Variants in FMO5 observed in about 807,000 individuals in gnomAD.
FMO5 encodes the protein flavin containing dimethylaniline monoxygenase 5, also known as flavin-containing monooxygenase 5.
Under a neutral mutation model 43.6 loss-of-function variants are expected in FMO5, and 51 were observed. The ratio of observed to expected loss-of-function variants is 1.17; its 90% confidence interval spans 0.93 to 1.48. The LOEUF (loss-of-function observed/expected upper bound fraction) is 1.48, where lower values mean the gene tolerates loss of function less well. FMO5 is among the 40% of genes most tolerant of loss of function. The pLI, the probability that FMO5 is intolerant of heterozygous loss-of-function variation, is 0.00. For missense variants in FMO5, 644 were observed against 643.0 expected (o/e 1.00, Z -0.02); for synonymous variants, 187 against 216.5 (o/e 0.86, Z 1.20).
intron 6 of FMO5, chr1:147,203,656 A>G (rs782669177): frequency 1.6e-4 from 223 of 1,408,524 alleles, no homozygotes; most frequent in Non-Finnish European, 2.2e-4. Flanking sequence ...ATGTCTCTCC[A>G]TATGATGTGA....
chr1:147,216,034 A>T, intron 2 of FMO5, 92 bp from the exon 3 acceptor site: 1 of 878,232 alleles, frequency 1.1e-6, no homozygotes, highest in East Asian at 2.5e-5. Flanking sequence ...TTCTGAAAGA[A>T]GTGTCAATTA....
At chr1:147,194,647 G>A (rs377225950) in intron 7 of FMO5, among the ~76,000 whole-genome samples, 7 of 152,142 alleles carry the variant, frequency 4.6e-5, no homozygotes, top group African/African-American at 9.6e-5. Flanking sequence ...GGCTGGTACC[G>A]GTTGTTCCTT....
rs1553917205 is a variant in FMO5 at position 147,186,942 on chromosome 1, C to A, written c.1560G>T (p.Met520Ile). Residue 520 changes from methionine to isoleucine, a missense_variant, in exon 9 of 9, where the codon ATG (methionine) becomes ATT (isoleucine). Transcript: ENST00000254090. The stretch of plus-strand genomic sequence containing the variant: ...TTATAGCAAAGAAGGCAAGAGCTAG[C>A]ATAAACTTGCCTATTGTCATTGTTG... The part of the protein sequence containing the change: ...MTSTMTIGKF[M>I]LALAFFAIII... The A allele has an allele frequency of 3.1e-6, 5 of 1,614,120 alleles. No homozygotes were observed. The highest frequency in any genetic ancestry group is 4.2e-6 in the Non-Finnish European group (5 of 1,179,988).
intron 3 of FMO5, among the ~76,000 whole-genome samples, chr1:147,214,420 C>T (rs1196265206): frequency 6.7e-6 from 1 of 150,136 alleles, no homozygotes; most frequent in Non-Finnish European, 1.5e-5. Flanking sequence ...CACTGTACTC[C>T]AGCCTGGGCA....
rs188581595 is a variant in FMO5, at chr1:147,206,353, G to C, written c.830+2499C>G. The stretch of plus-strand genomic sequence containing the variant: ...ACTAGTTCAACCATTGTGGAAGACA[G>C]TGTGGCGATTCCTCAAAAAGAACTA... On this transcript the variant is annotated intron_variant, in intron 6 of 8. Transcript: ENST00000254090. 7.7e-4 allele frequency among the ~76,000 whole-genome samples: 118 copies of C among 152,284 alleles called. 1 individual carries two copies. In the East Asian group the frequency reaches 0.021, roughly 28 times the overall value.
chr1:147,204,697 T>C, intron 6 of FMO5: 4 of 1,553,128 alleles, frequency 2.6e-6, no homozygotes, highest in East Asian at 2.2e-5. Context: ...AGCAGGATGC[T>C]GTACTTCTAG....
At chr1:147,192,200 G>C (rs1234350581) in intron 7 of FMO5, among the ~76,000 whole-genome samples, 1 of 152,014 alleles carries the variant, frequency 6.6e-6, no homozygotes, top group African/African-American at 2.4e-5. Context: ...GCAGTGGTTT[G>C]TATTTCTCCT....
At chr1:147,223,866 A>G (rs2102105691) in intron 2 of FMO5, 1 of 342,140 alleles carries the variant, frequency 2.9e-6, no homozygotes, top group Non-Finnish European at 5.6e-6. Flanking sequence ...CACAGACCAG[A>G]GACAAAACAA....
chr1:147,216,728 G>A (rs1662059338), intron 2 of FMO5, among the ~76,000 whole-genome samples: 1 of 152,182 alleles, frequency 6.6e-6, no homozygotes, highest in Non-Finnish European at 1.5e-5. Context: ...AGTATGGTCT[G>A]TAGACTAGCA....
Position 147,212,434 on chromosome 1 carries a change from C to T in FMO5, c.589G>A (p.Gly197Arg), listed in dbSNP as rs1553923908. 6.2e-7 allele frequency: 1 copy of T among 1,614,080 alleles called. No homozygotes were observed. Among genetic ancestry groups the T allele is most frequent in the South Asian group, 1.1e-5 (1 of 91,074 alleles). Residue 197 changes from glycine (G) to arginine (R), a missense_variant, in exon 5 of 9, where the codon GGA becomes AGA. Gly to Arg is a moderately radical substitution (Grantham distance 125, BLOSUM62 -2). Coordinates refer to ENST00000254090, the MANE Select transcript of FMO5 (RefSeq NM_001461.4). ...CTAATCTCTACAGCCAGATCCCCTCCAGAATTCCCAATGCCAATTATAATG... is the reference window on the plus strand; with the variant it reads ...CTAATCTCTACAGCCAGATCCCCTCTAGAATTCCCAATGCCAATTATAATG... ...RVIIIGIGNS[G>R]GDLAVEISQT...
intron 7 of FMO5, among the ~76,000 whole-genome samples, chr1:147,192,598 A>C (rs1475201889): frequency 1.3e-5 from 2 of 151,890 alleles, no homozygotes; most frequent in Non-Finnish European, 2.9e-5. Flanking sequence ...CCAGTTTTCA[A>C]AGGGAATGCT....
chr1:147,186,723 T>A lies in FMO5; in HGVS notation c.*177A>T. 7.0e-7 allele frequency: 1 copy of A among 1,427,232 alleles called. No homozygotes were observed. Among genetic ancestry groups the A allele is most frequent in the Non-Finnish European group, 9.1e-7 (1 of 1,096,610 alleles). 88.4% of individuals were successfully genotyped at this position (1,427,232 alleles called of 1,614,324 possible). On this transcript the variant is annotated 3_prime_UTR_variant, in exon 9 of 9. Coordinates refer to ENST00000254090, the MANE Select transcript of FMO5 (RefSeq NM_001461.4). ...GATCATGAGTGGAAGGGAGATGAGT[T>A]AATACAAATGGAAAACAGGTTTCAT...
chr1:147,198,719 C>T (rs146406618), intron 7 of FMO5, among the ~76,000 whole-genome samples: 29,797 of 151,798 alleles, frequency 0.2, 3,668 homozygotes, highest in Non-Finnish European at 0.27. Context: ...GGCATGGTGG[C>T]GGGCGCCTGT....
intron 7 of FMO5, among the ~76,000 whole-genome samples, chr1:147,195,721 T>C (rs1330629544): frequency 6.6e-6 from 1 of 152,142 alleles, no homozygotes; most frequent in Non-Finnish European, 1.5e-5. Flanking sequence ...ATGTAGAAGA[T>C]TTTGGCCACA....
chr1:147,203,974 A>G, intron 6 of FMO5: 2 of 1,217,154 alleles, frequency 1.6e-6, no homozygotes, highest in East Asian at 2.3e-5. Flanking sequence ...GTCTTCGGAC[A>G]TCCCATTTTG....
chr1:147,187,117 T>G lies in FMO5; in HGVS notation c.1385A>C (p.His462Pro), dbSNP rs1655757006. 6.2e-7 allele frequency: 1 copy of G among 1,613,962 alleles called. No individual in the cohort carries two copies. The highest frequency in any genetic ancestry group is 8.5e-7 in the Non-Finnish European group (1 of 1,180,024). ...TGGAGTGCAGGGTCCCAGTAATAAGTGTAATGCCAGCTTGGGGTCAGTGAA... is the reference window on the plus strand; with the variant it reads ...TGGAGTGCAGGGTCCCAGTAATAAGGGTAATGCCAGCTTGGGGTCAGTGAA... The part of the protein sequence containing the change: ...LAFTDPKLAL[H>P]LLLGPCTPIH... The change falls in exon 9 of 9, where the codon CAC (histidine) becomes CCC (proline). Residue 462 changes from histidine to proline, a missense_variant. Physicochemically the swap from His to Pro is moderately conservative, Grantham distance 77. Transcript: ENST00000254090.
intron 7 of FMO5, among the ~76,000 whole-genome samples, chr1:147,193,586 T>C (rs1448482927): frequency 6.6e-6 from 1 of 152,194 alleles, no homozygotes; most frequent in Non-Finnish European, 1.5e-5. Context: ...CTAGTTCTTT[T>C]AATTGTGATG....
intron 7 of FMO5, among the ~76,000 whole-genome samples, chr1:147,198,659 G>T (rs1250545412): frequency 6.6e-6 from 1 of 151,756 alleles, no homozygotes; most frequent in Non-Finnish European, 1.5e-5. Context: ...GACCATCCTG[G>T]CTAACATGGT....
At chr1:147,213,684 C>T (rs1661459171) in intron 3 of FMO5, among the ~76,000 whole-genome samples, 1 of 152,180 alleles carries the variant, frequency 6.6e-6, no homozygotes, top group African/African-American at 2.4e-5. Flanking sequence ...TGTTGGCAGG[C>T]TAATGTACCC....
Sources: gnomAD v4.1 joint callset for allele counts (sites outside exome capture counted in the v4.1 genomes callset) on GRCh38, gnomAD v4.1.1 for gene constraint, MANE v1.5 for transcripts, NCBI Gene and HGNC (gene_info 2026-07-23, HGNC 2026-07-21) for gene names.